ANK2: variants seen among roughly 807,000 people sequenced by gnomAD.
The protein encoded by ANK2 is ankyrin 2.
A neutral mutation model predicts 360.5 loss-of-function variants in ANK2; 83 were observed. The ratio of observed to expected loss-of-function variants is 0.23; its 90% CI spans 0.19 to 0.28. ANK2 has a LOEUF of 0.28. Ranked by LOEUF, ANK2 falls within the 10% of genes least tolerant of loss-of-function variation. The pLI is 1.00. For synonymous variants in ANK2, 1,740 were observed against 1,759.5 expected, an observed-to-expected ratio of 0.99 and a Z score of 0.28; for missense variants, 4,201 against 4,795.7, an observed-to-expected ratio of 0.88 and a Z score of 3.66.
intron 1 of ANK2, among the ~76,000 whole-genome samples, chr4:113,056,960 A>G (rs1424527705): frequency 1.3e-5 from 2 of 152,210 alleles, no homozygotes; most frequent in South Asian, 2.1e-4. Context: ...TTGCTTAATG[A>G]AATTCAGTTT....
At chr4:112,963,153 T>A (rs1056467980) in intron 2 of ANK2, among the ~76,000 whole-genome samples, 1 of 152,146 alleles carries the variant, frequency 6.6e-6, no homozygotes, top group Non-Finnish European at 1.5e-5. Context: ...TTCAAGCTTT[T>A]CCCTTCTCTG....
At chr4:113,307,359 A>G (rs1165247239) in intron 23 of ANK2, among the ~76,000 whole-genome samples, 1 of 150,370 alleles carries the variant, frequency 6.7e-6, no homozygotes, top group Non-Finnish European at 1.5e-5. Context: ...AACGTTTCAG[A>G]GAATCTCCTT....
chr4:113,248,575 G>A (rs1445775577), intron 9 of ANK2, among the ~76,000 whole-genome samples: 1 of 152,090 alleles, frequency 6.6e-6, no homozygotes, highest in Non-Finnish European at 1.5e-5. Flanking sequence ...GCAGGGAGGA[G>A]AAGGGTAGAG....
chr4:113,117,757 G>A (rs571168661), intron 1 of ANK2, among the ~76,000 whole-genome samples: 10 of 152,208 alleles, frequency 6.6e-5, no homozygotes, highest in African/African-American at 2.4e-4. Flanking sequence ...GTTGATTTAC[G>A]GTTGGAGGGT....
chr4:113,343,250 C>A, intron 34 of ANK2, 108 bp downstream of exon 34: 2 of 1,238,028 alleles, frequency 1.6e-6, no homozygotes, highest in Non-Finnish European at 2.3e-6. Flanking sequence ...TCAGAGTTTT[C>A]TTTTTAACCA....
chr4:113,345,357 A>G (rs1438607686), intron 34 of ANK2, among the ~76,000 whole-genome samples: 1 of 152,170 alleles, frequency 6.6e-6, no homozygotes, highest in Admixed American at 6.5e-5. Flanking sequence ...TCTGGATAGA[A>G]GTAATGATTA....
chr4:112,786,246 G>T, the ANK2 span, among the ~76,000 whole-genome samples: 1 of 139,238 alleles, frequency 7.2e-6, no homozygotes, highest in Non-Finnish European at 1.5e-5. Flanking sequence ...AAAAAAAAAA[G>T]TAAAAAAAAA....
the ANK2 span, among the ~76,000 whole-genome samples, chr4:112,784,883 CA>C: frequency 2.6e-5 from 4 of 152,156 alleles, no homozygotes; most frequent in African/African-American, 4.8e-5. Flanking sequence ...TTTGGTCTTA[CA>C]GAAAAATATA....
intron 1 of ANK2, among the ~76,000 whole-genome samples, chr4:112,865,053 A>G (rs2069906991): frequency 7.3e-6 from 1 of 136,124 alleles, no homozygotes; most frequent in Non-Finnish European, 1.6e-5. Context: ...AAAAAAAAAA[A>G]AAAAAAAAAA....
chr4:113,088,851 C>T (rs2086244472), intron 1 of ANK2, among the ~76,000 whole-genome samples: 1 of 152,154 alleles, frequency 6.6e-6, no homozygotes, highest in African/African-American at 2.4e-5. Context: ...TTTCTGGCTC[C>T]AGTGTCCCTT....
At chr4:112,831,887 G>T (rs1338475941) in intron 1 of ANK2, among the ~76,000 whole-genome samples, 1 of 152,102 alleles carries the variant, frequency 6.6e-6, no homozygotes, top group Non-Finnish European at 1.5e-5. Context: ...GTGAAGGTTT[G>T]CAGCTTCACT....
intron 2 of ANK2, among the ~76,000 whole-genome samples, chr4:112,997,642 T>C (rs182515645): frequency 1.0e-3 from 159 of 152,226 alleles, no homozygotes; most frequent in East Asian, 5.8e-4. Context: ...AGTATATGTG[T>C]GCACAAATAT....
At chr4:112,855,104 T>C (rs7697729) in intron 1 of ANK2, among the ~76,000 whole-genome samples, 151 of 152,334 alleles carry the variant, frequency 9.9e-4, no homozygotes, top group African/African-American at 3.5e-3. Flanking sequence ...AATAGGAGTA[T>C]TTTTTGTTGT....
At chr4:113,344,225 A>G (rs1463197108) in intron 34 of ANK2, among the ~76,000 whole-genome samples, 1 of 152,158 alleles carries the variant, frequency 6.6e-6, no homozygotes. Flanking sequence ...CCAATACAAA[A>G]TGAGGGAAGT....
At chr4:112,827,212 C>A in intron 1 of ANK2, 1 of 1,132,568 alleles carries the variant, frequency 8.8e-7, no homozygotes, top group Non-Finnish European at 1.3e-6. Context: ...TCTTGAAAAG[C>A]TGGATCAATT....
At chr4:112,924,498 G>T (rs2092233962) in intron 2 of ANK2, among the ~76,000 whole-genome samples, 1 of 151,976 alleles carries the variant, frequency 6.6e-6, no homozygotes, top group Non-Finnish European at 1.5e-5. Context: ...CTTTTTAAAA[G>T]CTGACTTATC....
At chr4:112,990,210 AG>A (rs1166446291) in intron 2 of ANK2, among the ~76,000 whole-genome samples, 1 of 152,182 alleles carries the variant, frequency 6.6e-6, no homozygotes, top group Admixed American at 6.5e-5. Context: ...TTGAGGCTCT[AG>A]TGAGCCATGA....
chr4:112,982,539 A>T (rs1013957418), intron 2 of ANK2, among the ~76,000 whole-genome samples: 3 of 152,342 alleles, frequency 2.0e-5, no homozygotes, highest in South Asian at 2.1e-4. Context: ...CAAGAAATTT[A>T]AAAAAATTAT....
rs934014183 is a variant in ANK2 at position 112,845,920 on chromosome 4, G to A, written c.-40+27656G>A. Among the ~76,000 whole-genome samples the A allele has an allele frequency of 5.3e-5, 8 of 152,100 alleles. 1 individual carries two copies. The highest frequency in any genetic ancestry group is 1.3e-4 in the Admixed American group (2 of 15,274). ...ATTTCTGGTGTTATGACTGATGGGC[G>A]TGCCCAACCAGATCCAGGACAGTAA... On this transcript the variant is annotated intron_variant, in intron 1 of 30. Coordinates refer to the ANK2 transcript ENST00000503271.
Sources: gnomAD v4.1 joint callset for allele counts (sites outside exome capture counted in the v4.1 genomes callset) on GRCh38, gnomAD v4.1.1 for gene constraint, MANE v1.5 for transcripts, NCBI Gene and HGNC (gene_info 2026-07-23, HGNC 2026-07-21) for gene names.